PRKCQ: variants seen among roughly 807,000 people sequenced by gnomAD.
PRKCQ encodes protein kinase C theta type.
A neutral mutation model predicts 91.2 loss-of-function variants in PRKCQ; 41 were observed. The ratio of observed to expected loss-of-function variants is 0.45; its 90% CI spans 0.35 to 0.58. PRKCQ has a LOEUF of 0.58. PRKCQ is among the 20% of genes least tolerant of loss of function. The probability of loss-of-function intolerance (pLI) is 0.00; values close to 1 mark genes in which losing one functional copy is unlikely to be tolerated. For synonymous variants in PRKCQ, 307 were observed against 316.9 expected, an observed-to-expected ratio of 0.97 and a Z score of 0.33; for missense variants, 673 against 896.5, an observed-to-expected ratio of 0.75 and a Z score of 3.18.
intron 1 of PRKCQ, among the ~76,000 whole-genome samples, chr10:6,572,548 T>G (rs930477239): frequency 6.6e-6 from 1 of 152,244 alleles, no homozygotes; most frequent in Middle Eastern, 3.2e-3. Context: ...TCCATGTCCC[T>G]GCAAAGGACA....
intron 1 of PRKCQ, among the ~76,000 whole-genome samples, chr10:6,524,734 A>C (rs1345307694): frequency 1.3e-5 from 2 of 152,212 alleles, no homozygotes; most frequent in Non-Finnish European, 2.9e-5. Flanking sequence ...TGATGTGAAG[A>C]AGGGAGAAAA....
At position 6,465,162 on chromosome 10, in the gene PRKCQ, G is replaced by A. The variant is rs769693380; in HGVS notation, c.1354-758C>T. ...AAAACATTCATTCACTCAACACTCA[G>A]TAATTAGCTACTGAGCATATTCTGT... On this transcript the variant is annotated intron_variant, in intron 12 of 17. Transcript: ENST00000263125. The surrounding 1 kb of genome is among the most constrained non-coding windows in gnomAD (Gnocchi z 4.4). Among the ~76,000 whole-genome samples, 3 of 152,244 alleles carry A rather than the reference G, an allele frequency of 2.0e-5. No individual in the cohort carries two copies. The highest frequency in any genetic ancestry group is 2.9e-5 in the Non-Finnish European group (2 of 68,036).
chr10:6,554,783 T>G (rs541633032), intron 1 of PRKCQ, among the ~76,000 whole-genome samples: 5 of 152,188 alleles, frequency 3.3e-5, no homozygotes, highest in Non-Finnish European at 7.3e-5. Context: ...AACCTGCAAT[T>G]CCATCACTGG....
chr10:6,517,843 G>C (rs1298925099), intron 1 of PRKCQ, among the ~76,000 whole-genome samples: 3 of 152,016 alleles, frequency 2.0e-5, no homozygotes, highest in African/African-American at 7.3e-5. Flanking sequence ...TTGTAAGAAA[G>C]GCACTGTTTA....
At chr10:6,517,026 T>G (rs1838791017) in intron 1 of PRKCQ, among the ~76,000 whole-genome samples, 2 of 152,202 alleles carry the variant, frequency 1.3e-5, no homozygotes, top group Non-Finnish European at 2.9e-5. Context: ...CCTTTAGAAA[T>G]GTATGTCAGA....
At chr10:6,558,462 G>A (rs531203714) in intron 1 of PRKCQ, among the ~76,000 whole-genome samples, 62 of 152,266 alleles carry the variant, frequency 4.1e-4, no homozygotes, top group African/African-American at 1.3e-3. Context: ...AAACCACAGC[G>A]TTAGCTTGAC....
At chr10:6,528,768 G>A (rs1839286130) in intron 1 of PRKCQ, among the ~76,000 whole-genome samples, 1 of 152,216 alleles carries the variant, frequency 6.6e-6, no homozygotes, top group African/African-American at 2.4e-5. Flanking sequence ...TTGAAGGTTA[G>A]GTCAGGGAGG....
chr10:6,453,366 T>C (rs1834818362), intron 15 of PRKCQ, among the ~76,000 whole-genome samples: 1 of 152,074 alleles, frequency 6.6e-6, no homozygotes, highest in African/African-American at 2.4e-5. Flanking sequence ...AAAACCACAA[T>C]GAGATACCAT....
intron 11 of PRKCQ, among the ~76,000 whole-genome samples, chr10:6,479,846 G>A (rs1210567647): frequency 2.0e-5 from 3 of 151,180 alleles, no homozygotes; most frequent in Admixed American, 6.6e-5. Context: ...CCAGCTACTC[G>A]GGAGGCTGAG....
chr10:6,580,485 C>T (rs544758441), upstream of PRKCQ: 371 of 152,458 alleles, frequency 2.4e-3, 2 homozygotes, highest in South Asian at 8.1e-3. Flanking sequence ...CAGGCTCCCG[C>T]CCCTGGCCTC....
the PRKCQ span, among the ~76,000 whole-genome samples, chr10:6,394,549 C>G: frequency 3.3e-5 from 5 of 152,228 alleles, no homozygotes; most frequent in South Asian, 1.0e-3. Context: ...TTCTGACCTT[C>G]AGCGGCATTT....
chr10:6,521,294 A>C (rs1335892696), intron 1 of PRKCQ, among the ~76,000 whole-genome samples: 1 of 152,184 alleles, frequency 6.6e-6, no homozygotes, highest in African/African-American at 2.4e-5. Context: ...TCTTCATCTC[A>C]TGCATTTGTT....
chr10:6,530,127 C>T (rs182223225), intron 1 of PRKCQ, among the ~76,000 whole-genome samples: 67 of 152,284 alleles, frequency 4.4e-4, no homozygotes, highest in African/African-American at 1.6e-3. Flanking sequence ...ATGTTCTCAA[C>T]ACATCATGGG....
At chr10:6,447,789 T>C (rs922738613) in intron 15 of PRKCQ, among the ~76,000 whole-genome samples, 41 of 152,132 alleles carry the variant, frequency 2.7e-4, no homozygotes, top group African/African-American at 9.9e-4. Flanking sequence ...CAGAGTCCCC[T>C]CCCTGAAGGT....
intron 11 of PRKCQ, among the ~76,000 whole-genome samples, chr10:6,480,409 A>G (rs923938733): frequency 6.6e-6 from 1 of 152,246 alleles, no homozygotes; most frequent in African/African-American, 2.4e-5. Context: ...TGGCTCTTAT[A>G]TCAAAGGACA....
At chr10:6,509,674 G>T (rs371200729) in intron 3 of PRKCQ, among the ~76,000 whole-genome samples, 3 of 152,164 alleles carry the variant, frequency 2.0e-5, no homozygotes, top group South Asian at 4.1e-4. Context: ...CTCCCAAAGT[G>T]CTGGGATTAC....
the PRKCQ span, among the ~76,000 whole-genome samples, chr10:6,407,249 A>C: frequency 2.8e-5 from 4 of 142,698 alleles, no homozygotes; most frequent in South Asian, 6.6e-4. This position sits in a 1 kb window ranked among gnomAD's most constrained non-coding sequence, Gnocchi z 4.0. Context: ...TCCTGAATGC[A>C]GTGGGCGTGC....
In PRKCQ at chr10:6,498,556, T is replaced by C; in HGVS notation, c.382A>G (p.Thr128Ala). Reference sequence around the variant, plus strand: ...GTCTCAAATTCATTCATGTCCTTTGTGTCTACAGGAAGAGAGAGGGGAAGA... The same window carrying C: ...GTCTCAAATTCATTCATGTCCTTTGCGTCTACAGGAAGAGAGAGGGGAAGA... ...NARYFLEMSD[T>A]KDMNEFETEG... The change falls in exon 5 of 18, where the codon ACA becomes GCA. Residue 128 changes from threonine to alanine, a missense_variant and splice_region_variant. By Grantham distance (58) the Thr-to-Ala change is moderately conservative. Coordinates refer to ENST00000263125, the MANE Select transcript of PRKCQ (RefSeq NM_006257.5). 2 of 1,613,910 alleles carry C rather than the reference T, an allele frequency of 1.2e-6. No homozygotes were observed. Among genetic ancestry groups the C allele is most frequent in the Non-Finnish European group, 1.7e-6 (2 of 1,179,914 alleles).
chr10:6,543,193 T>C (rs1839832107), intron 1 of PRKCQ, among the ~76,000 whole-genome samples: 1 of 152,222 alleles, frequency 6.6e-6, no homozygotes, highest in African/African-American at 2.4e-5. Flanking sequence ...TGTATTTCTG[T>C]GCGCTCAGTA....
Sources: allele counts gnomAD v4.1 joint callset (sites outside exome capture counted in the v4.1 genomes callset), GRCh38; gene constraint gnomAD v4.1.1; non-coding constraint Gnocchi (gnomAD v3.1); transcripts MANE v1.5; gene names NCBI Gene and HGNC (gene_info 2026-07-23, HGNC 2026-07-21).